The following DLG2 variants were observed in gnomAD, a reference collection of about 807,000 sequenced individuals.
The protein encoded by DLG2 is discs large MAGUK scaffold protein 2, also known as disks large homolog 2.
In DLG2, 45 loss-of-function variants were observed where a neutral mutation model predicts 132.5. The ratio of observed to expected loss-of-function variants is 0.34; its 90% CI spans 0.27 to 0.44. The LOEUF (loss-of-function observed/expected upper bound fraction) is 0.44. Ranked by LOEUF, DLG2 falls within the 20% of genes least tolerant of loss-of-function variation. The probability of loss-of-function intolerance (pLI) is 1.00; values close to 1 mark genes in which losing one functional copy is unlikely to be tolerated. For missense variants in DLG2, 1,045 were observed against 1,196.9 expected, an observed-to-expected ratio of 0.87 and a Z score of 1.87; for synonymous variants, 424 against 419.6, an observed-to-expected ratio of 1.01 and a Z score of -0.13.
At chr11:85,297,930 G>A (rs2079341760) in intron 3 of DLG2, among the ~76,000 whole-genome samples, 1 of 152,210 alleles carries the variant, frequency 6.6e-6, no homozygotes, top group African/African-American at 2.4e-5. Context: ...GCTACATAAT[G>A]TCTGAGCATG....
intron 3 of DLG2, among the ~76,000 whole-genome samples, chr11:85,468,376 C>T (rs961682593): frequency 6.6e-6 from 1 of 152,078 alleles, no homozygotes; most frequent in Non-Finnish European, 1.5e-5. Context: ...TTTGCTCTTG[C>T]TTCTCTAGTT....
intron 17 of DLG2, among the ~76,000 whole-genome samples, chr11:83,824,838 G>A (rs970806448): frequency 6.6e-6 from 1 of 151,990 alleles, no homozygotes; most frequent in African/African-American, 2.4e-5. Context: ...GTGATATTGT[G>A]AGTCAGGTGT....
intron 6 of DLG2, among the ~76,000 whole-genome samples, chr11:84,796,504 A>G (rs945611729): frequency 6.6e-6 from 1 of 152,092 alleles, no homozygotes; most frequent in Non-Finnish European, 1.5e-5. Flanking sequence ...GTACTTTTGG[A>G]AGATTTCTTA....
chr11:84,292,228 G>C (rs1037627385), intron 7 of DLG2, among the ~76,000 whole-genome samples: 8 of 152,172 alleles, frequency 5.3e-5, no homozygotes, highest in Non-Finnish European at 1.0e-4. Flanking sequence ...GATTTTCCAG[G>C]CTCAGAGTAA....
At chr11:84,723,907 A>T (rs1038096052) in intron 6 of DLG2, among the ~76,000 whole-genome samples, 8 of 152,184 alleles carry the variant, frequency 5.3e-5, no homozygotes, top group Admixed American at 2.0e-4. Context: ...AAATGGACTC[A>T]TAATTACAAA....
intron 11 of DLG2, among the ~76,000 whole-genome samples, chr11:84,042,001 G>C (rs2096097871): frequency 1.3e-5 from 2 of 151,866 alleles, no homozygotes; most frequent in Admixed American, 1.3e-4. Flanking sequence ...CTTCCACCAT[G>C]ATTGTGAGGC....
intron 18 of DLG2, among the ~76,000 whole-genome samples, chr11:83,636,730 T>A (rs2064957751): frequency 1.3e-5 from 2 of 152,172 alleles, no homozygotes; most frequent in African/African-American, 4.8e-5. Flanking sequence ...TAAATTATAT[T>A]TGCCTTACAG....
chr11:84,309,849 T>G (rs1018781162), intron 7 of DLG2, among the ~76,000 whole-genome samples: 5 of 152,220 alleles, frequency 3.3e-5, no homozygotes, highest in African/African-American at 1.2e-4. Flanking sequence ...GCACTTTTAT[T>G]TTGTATTTAT....
intron 4 of DLG2, among the ~76,000 whole-genome samples, chr11:85,206,999 C>T (rs1331219798): frequency 6.6e-6 from 1 of 152,102 alleles, no homozygotes; most frequent in Admixed American, 6.6e-5. Context: ...TGGTATAATT[C>T]ATTATCTCAT....
chr11:83,939,144 T>G (rs890292764), intron 14 of DLG2, among the ~76,000 whole-genome samples: 3 of 152,228 alleles, frequency 2.0e-5, no homozygotes, highest in African/African-American at 7.2e-5. Context: ...ACTGAGTATT[T>G]GTTGGACTTA....
intron 22 of DLG2, among the ~76,000 whole-genome samples, chr11:83,481,919 A>G (rs763607088): frequency 2.6e-5 from 4 of 152,056 alleles, no homozygotes; most frequent in Non-Finnish European, 5.9e-5. Context: ...TATTTCTGAC[A>G]CTCCAAAAGC....
Position 84,961,528 on chromosome 11 carries a change from G to GTGTT in DLG2, c.357+150132_357+150133insAACA, listed in dbSNP as rs1398586862. On this transcript the variant is annotated intron_variant, in intron 6 of 27. Coordinates refer to ENST00000376104, the MANE Select transcript of DLG2 (RefSeq NM_001142699.3). ...GTTATATCCTAAGAATTGTATCTTT[G>GTGTT]TGTGTGTGTGTGTGTGTGTGTGTGT... 2.1e-3 allele frequency among the ~76,000 whole-genome samples: 57 copies of GTGTT among 26,794 alleles called. No homozygotes were observed. In the African/African-American group the frequency reaches 0.04, roughly 19 times the overall value. 17.6% of individuals were successfully genotyped at this position (26,794 alleles called of 152,430 possible). A position where few individuals can be genotyped will look rare whatever the true frequency, so the allele number is the denominator to read the frequency against.
chr11:84,471,876 A>G (rs1411391188), intron 7 of DLG2, among the ~76,000 whole-genome samples: 6 of 151,908 alleles, frequency 3.9e-5, no homozygotes, highest in African/African-American at 7.2e-5. Context: ...TCACTGTTGC[A>G]AAGTTACTTA....
chr11:84,459,854 C>G (rs1003330185), intron 7 of DLG2, among the ~76,000 whole-genome samples: 2 of 150,430 alleles, frequency 1.3e-5, no homozygotes, highest in Non-Finnish European at 3.0e-5. Context: ...TGAGATGTAC[C>G]TTATTCTATT....
chr11:84,785,096 T>C (rs1004919815), intron 6 of DLG2, among the ~76,000 whole-genome samples: 1 of 151,998 alleles, frequency 6.6e-6, no homozygotes, highest in Non-Finnish European at 1.5e-5. Context: ...AATAAATAAA[T>C]AAATGTATGA....
chr11:84,809,874 T>A (rs2076380086), intron 6 of DLG2, among the ~76,000 whole-genome samples: 1 of 151,962 alleles, frequency 6.6e-6, no homozygotes, highest in South Asian at 2.1e-4. Context: ...TAAAACTATG[T>A]GGGGTCCAAG....
At chr11:85,222,099 G>A (rs962704350) in intron 4 of DLG2, among the ~76,000 whole-genome samples, 3 of 151,776 alleles carry the variant, frequency 2.0e-5, no homozygotes, top group Admixed American at 6.6e-5. Context: ...CCACCACACC[G>A]AGCTAACATT....
At chr11:83,520,634 G>GATA (rs2095442695) in intron 21 of DLG2, among the ~76,000 whole-genome samples, 3 of 142,768 alleles carry the variant, frequency 2.1e-5, no homozygotes, top group South Asian at 2.2e-4. Context: ...TAGATAGGTA[G>GATA]GTAGGTAGAT....
rs538245898 is a variant in DLG2, at chr11:85,589,148, GT to G, written c.40+9508del. On this transcript the variant is annotated intron_variant, in intron 3 of 27. Transcript: ENST00000376104. Reference sequence around the variant, plus strand: ...AGTGTGCTGGCTTTCTCAAATGCTGGTTATGCTAGCAGTGACACTGTCACGT... The same window carrying G: ...AGTGTGCTGGCTTTCTCAAATGCTGGTATGCTAGCAGTGACACTGTCACGT... Among the ~76,000 whole-genome samples, 265 of 152,334 alleles carry G rather than the reference GT, an allele frequency of 1.7e-3. 1 individual carries two copies. The highest frequency in any genetic ancestry group is 2.9e-3 in the Non-Finnish European group (198 of 68,044).
Sources: gnomAD v4.1 joint callset for allele counts (sites outside exome capture counted in the v4.1 genomes callset) on GRCh38, gnomAD v4.1.1 for gene constraint, MANE v1.5 for transcripts, NCBI Gene and HGNC (gene_info 2026-07-23, HGNC 2026-07-21) for gene names.